SCHIP1: variants seen among roughly 807,000 people sequenced by gnomAD.
SCHIP1 encodes the protein schwannomin-interacting protein 1.
A neutral mutation model predicts 29.7 loss-of-function variants in SCHIP1; 8 were observed. That is an observed-to-expected ratio of 0.27 (90% CI 0.16 to 0.49). The LOEUF is 0.49. SCHIP1 is among the 20% of genes least tolerant of loss of function. The pLI is 0.99. For missense variants in SCHIP1, 193 were observed against 294.6 expected, an observed-to-expected ratio of 0.66 and a Z score of 2.52; for synonymous variants, 76 against 94.9, an observed-to-expected ratio of 0.80 and a Z score of 1.16.
chr3:159,610,953 A>G, the SCHIP1 span, among the ~76,000 whole-genome samples: 1 of 152,124 alleles, frequency 6.6e-6, no homozygotes, highest in African/African-American at 2.4e-5. Flanking sequence ...CTAGCAGTTC[A>G]CAGATTTAAA....
At chr3:159,391,435 G>T in the SCHIP1 span, among the ~76,000 whole-genome samples, 1 of 152,096 alleles carries the variant, frequency 6.6e-6, no homozygotes, top group African/African-American at 2.4e-5. Context: ...GTACAGTGGG[G>T]CTAAAAATAT....
At chr3:159,470,483 T>A in the SCHIP1 span, among the ~76,000 whole-genome samples, 1 of 152,308 alleles carries the variant, frequency 6.6e-6, no homozygotes, top group African/African-American at 2.4e-5. Context: ...TTAAAAAGAT[T>A]TTGTTCACAT....
chr3:159,602,035 A>G, the SCHIP1 span, among the ~76,000 whole-genome samples: 4 of 152,322 alleles, frequency 2.6e-5, no homozygotes, highest in Admixed American at 6.5e-5. Flanking sequence ...CAATAACCTC[A>G]TAGGGTTTCC....
chr3:159,373,196 C>T, the SCHIP1 span, among the ~76,000 whole-genome samples: 1 of 151,526 alleles, frequency 6.6e-6, no homozygotes, highest in East Asian at 1.9e-4. Flanking sequence ...TTAATATCCT[C>T]TACATACTTT....
chr3:159,631,802 A>G, the SCHIP1 span, among the ~76,000 whole-genome samples: 1 of 152,316 alleles, frequency 6.6e-6, no homozygotes, highest in Admixed American at 6.5e-5. Flanking sequence ...ACACTTAAAC[A>G]TGGTTAAAAT....
chr3:159,595,479 A>G, the SCHIP1 span, among the ~76,000 whole-genome samples: 1 of 152,134 alleles, frequency 6.6e-6, no homozygotes, highest in Admixed American at 6.6e-5. Context: ...AACATGGGGA[A>G]GTAGATGACC....
At chr3:159,864,101 G>A (rs1222118421) in intron 1 of SCHIP1, among the ~76,000 whole-genome samples, 1 of 152,180 alleles carries the variant, frequency 6.6e-6, no homozygotes, top group Non-Finnish European at 1.5e-5. Flanking sequence ...TCTTTTGTCT[G>A]TGATATGGAT....
the SCHIP1 span, among the ~76,000 whole-genome samples, chr3:159,753,579 T>C: frequency 6.6e-6 from 1 of 152,330 alleles, no homozygotes; most frequent in African/African-American, 2.4e-5. Flanking sequence ...CCAATCTTCA[T>C]TGAATCTACC....
chr3:159,469,248 G>A, the SCHIP1 span, among the ~76,000 whole-genome samples: 3 of 152,108 alleles, frequency 2.0e-5, no homozygotes, highest in Non-Finnish European at 2.9e-5. Flanking sequence ...ATAAGAAGGT[G>A]AAAGAGGTGA....
the SCHIP1 span, among the ~76,000 whole-genome samples, chr3:159,409,249 A>G: frequency 6.6e-6 from 1 of 152,086 alleles, no homozygotes; most frequent in African/African-American, 2.4e-5. Flanking sequence ...ACCCATTTTC[A>G]CCACCATTAT....
chr3:159,394,232 T>C, the SCHIP1 span, among the ~76,000 whole-genome samples: 1 of 150,898 alleles, frequency 6.6e-6, no homozygotes. Flanking sequence ...AATGGGGTTT[T>C]CTAGATATAC....
chr3:159,846,392 G>A (rs1241166083), intron 1 of SCHIP1, among the ~76,000 whole-genome samples: 1 of 152,186 alleles, frequency 6.6e-6, no homozygotes, highest in Non-Finnish European at 1.5e-5. Context: ...GGAGAAAGTG[G>A]TAAACAGCCT....
the SCHIP1 span, among the ~76,000 whole-genome samples, chr3:159,477,920 C>CTTTTTTTTTTTTT: frequency 1.0e-5 from 1 of 98,302 alleles, no homozygotes; most frequent in East Asian, 3.2e-4. Flanking sequence ...CATTTTAAAT[C>CTTTTTTTTTTTTT]TTTTTTTTTT....
At chr3:159,851,521 G>T (rs908430127) in intron 1 of SCHIP1, among the ~76,000 whole-genome samples, 6 of 151,088 alleles carry the variant, frequency 4.0e-5, no homozygotes, top group Non-Finnish European at 7.4e-5. Context: ...CATATAAAGT[G>T]CCTGGCACAT....
At chr3:159,429,770 C>A in the SCHIP1 span, among the ~76,000 whole-genome samples, 1 of 152,150 alleles carries the variant, frequency 6.6e-6, no homozygotes, top group Admixed American at 6.6e-5. Context: ...CTGGGGCCTT[C>A]ATGAAATAAA....
the SCHIP1 span, among the ~76,000 whole-genome samples, chr3:159,283,180 TCTCA>T: frequency 6.6e-6 from 1 of 152,138 alleles, no homozygotes; most frequent in Non-Finnish European, 1.5e-5. Context: ...TGAGACGGAG[TCTCA>T]CTCTGTCGCT....
At chr3:159,522,559 C>T in the SCHIP1 span, among the ~76,000 whole-genome samples, 1 of 152,174 alleles carries the variant, frequency 6.6e-6, no homozygotes, top group Non-Finnish European at 1.5e-5. Flanking sequence ...AGAAGCCTGT[C>T]TACTGTGGTT....
the SCHIP1 span, among the ~76,000 whole-genome samples, chr3:159,535,618 G>A: frequency 6.6e-6 from 1 of 152,164 alleles, no homozygotes; most frequent in South Asian, 2.1e-4. Context: ...AGGGACCTGT[G>A]GGTAATAGAG....
the SCHIP1 span, among the ~76,000 whole-genome samples, chr3:159,537,723 G>A: frequency 1.3e-5 from 2 of 152,000 alleles, no homozygotes; most frequent in South Asian, 2.1e-4. Flanking sequence ...AGGGAAGGGC[G>A]AGCACAAGAT....
Sources: gnomAD v4.1 joint callset for allele counts (sites outside exome capture counted in the v4.1 genomes callset) on GRCh38, gnomAD v4.1.1 for gene constraint, MANE v1.5 for transcripts, NCBI Gene and HGNC (gene_info 2026-07-23, HGNC 2026-07-21) for gene names.